RXYLT1: variants seen among roughly 807,000 people sequenced by gnomAD.
The protein encoded by RXYLT1 is ribitol xylosyltransferase 1, also known as ribitol-5-phosphate xylosyltransferase 1.
RXYLT1 carries 41 observed loss-of-function variants against 43.5 expected under a neutral mutation model. The observed-to-expected ratio is 0.94, with a 90% CI of 0.73 to 1.22. RXYLT1 has a LOEUF of 1.22. Ranked by LOEUF, RXYLT1 falls within the 50% of genes most tolerant of loss-of-function variation. The pLI is 0.00. For synonymous variants in RXYLT1, 166 were observed against 194.4 expected, an observed-to-expected ratio of 0.85 and a Z score of 1.21; for missense variants, 514 against 532.0, an observed-to-expected ratio of 0.97 and a Z score of 0.33.
At chr12:63,789,237 T>C (rs1200041039) in intron 3 of RXYLT1, among the ~76,000 whole-genome samples, 1 of 152,154 alleles carries the variant, frequency 6.6e-6, no homozygotes, top group African/African-American at 2.4e-5. Flanking sequence ...TAGTGTTGTG[T>C]CTCAGGGAAT....
At chr12:63,806,318 T>C in intron 5 of RXYLT1, 1 of 152,196 alleles carries the variant, frequency 6.6e-6, no homozygotes, top group East Asian at 1.9e-4. Context: ...TGTCAGAAGA[T>C]GATAAATGCC....
intron 3 of RXYLT1, among the ~76,000 whole-genome samples, chr12:63,798,198 T>C (rs577425088): frequency 1.3e-5 from 2 of 152,256 alleles, no homozygotes; most frequent in African/African-American, 4.8e-5. Context: ...CCCATCCTTA[T>C]CTCTTTCCAA....
intron 3 of RXYLT1, among the ~76,000 whole-genome samples, chr12:63,799,695 C>T (rs2136230277): frequency 6.6e-6 from 1 of 152,154 alleles, no homozygotes; most frequent in East Asian, 1.9e-4. Flanking sequence ...TGTCAGCTAG[C>T]TTTATGCAAG....
chr12:63,789,722 A>AT (rs1220754084), intron 3 of RXYLT1, among the ~76,000 whole-genome samples: 2 of 152,220 alleles, frequency 1.3e-5, no homozygotes, highest in South Asian at 2.1e-4. Flanking sequence ...ATTGTATGAG[A>AT]TTTTTTTTAA....
At chr12:63,803,617 G>A (rs1305896052) in intron 4 of RXYLT1, 5 of 152,102 alleles carry the variant, frequency 3.3e-5, no homozygotes, top group African/African-American at 1.2e-4. Context: ...CAGTAGGTTT[G>A]GGGTAAGGCC....
At chr12:63,800,553 C>T (rs1262785854) in intron 3 of RXYLT1, among the ~76,000 whole-genome samples, 1 of 151,946 alleles carries the variant, frequency 6.6e-6, no homozygotes, top group Admixed American at 6.6e-5. Flanking sequence ...TTGTTCTAGG[C>T]AGCACTTAAT....
At position 63,781,180 on chromosome 12, in the gene RXYLT1, T is replaced by C. The variant is rs1897675249; in HGVS notation, c.325+6T>C. ...CTGGGGCAAAGCTGCCATTGGTAAG[T>C]TAATACGTAGAAGGAAGACATGTAA... is the stretch of plus-strand genomic sequence containing the variant. On this transcript the variant is annotated splice_donor_region_variant and intron_variant, in intron 2 of 5. Coordinates refer to ENST00000261234, the MANE Select transcript of RXYLT1 (RefSeq NM_014254.3). 1 of 1,517,900 alleles carries C rather than the reference T, an allele frequency of 6.6e-7. No homozygotes were observed. Among genetic ancestry groups the C allele is most frequent in the African/African-American group, 1.4e-5 (1 of 70,788 alleles). 94.0% of individuals were successfully genotyped at this position (1,517,900 alleles called of 1,614,324 possible). A position where few individuals can be genotyped will look rare whatever the true frequency, so the allele number is the denominator to read the frequency against.
chr12:63,786,510 C>CT (rs1041387328), intron 3 of RXYLT1, among the ~76,000 whole-genome samples: 1 of 148,624 alleles, frequency 6.7e-6, no homozygotes. Flanking sequence ...AGTATTATGC[C>CT]TAAAAAAAAA....
chr12:63,786,511 T>TAA (rs34686344), intron 3 of RXYLT1, among the ~76,000 whole-genome samples: 1 of 145,028 alleles, frequency 6.9e-6, no homozygotes, highest in African/African-American at 2.5e-5. Flanking sequence ...GTATTATGCC[T>TAA]AAAAAAAAAA....
chr12:63,785,885 T>A (rs1219343846), intron 3 of RXYLT1, among the ~76,000 whole-genome samples: 12 of 152,176 alleles, frequency 7.9e-5, no homozygotes, highest in African/African-American at 2.7e-4. Context: ...TCAATTTTGT[T>A]CTAATTTTTA....
chr12:63,807,160 T>G (rs1898314456), intron 5 of RXYLT1: 1 of 152,286 alleles, frequency 6.6e-6, no homozygotes, highest in Non-Finnish European at 1.5e-5. Context: ...ACTTAGAATC[T>G]ATTGTTCCTA....
intron 2 of RXYLT1, among the ~76,000 whole-genome samples, chr12:63,783,918 C>G (rs554138225): frequency 6.6e-6 from 1 of 151,880 alleles, no homozygotes; most frequent in Non-Finnish European, 1.5e-5. Context: ...AGCGGCTACC[C>G]GTATTCCTTC....
At chr12:63,801,084 C>G (rs982395345) in intron 3 of RXYLT1, among the ~76,000 whole-genome samples, 4 of 151,958 alleles carry the variant, frequency 2.6e-5, no homozygotes, top group African/African-American at 9.7e-5. Flanking sequence ...TTTTCTAGTC[C>G]CTTTCATCTT....
intron 3 of RXYLT1, among the ~76,000 whole-genome samples, chr12:63,800,080 C>A (rs1169330891): frequency 6.6e-6 from 1 of 152,160 alleles, no homozygotes; most frequent in East Asian, 1.9e-4. Flanking sequence ...TACATGCACA[C>A]ATAGTAAAAT....
intron 3 of RXYLT1, among the ~76,000 whole-genome samples, chr12:63,798,224 G>C (rs970341367): frequency 6.6e-6 from 1 of 150,940 alleles, no homozygotes; most frequent in African/African-American, 2.5e-5. Flanking sequence ...CAAACATTGA[G>C]TGATCTTTCC....
intron 1 of RXYLT1, chr12:63,780,544 C>T: frequency 9.8e-7 from 1 of 1,016,956 alleles, no homozygotes; most frequent in Non-Finnish European, 1.2e-6. Flanking sequence ...CCTCCAAATT[C>T]TGGTCCCCTG....
Position 63,781,733 on chromosome 12 carries a change from T to C in RXYLT1, c.325+559T>C, listed in dbSNP as rs559813831. On this transcript the variant is annotated intron_variant, in intron 2 of 5. Transcript: ENST00000261234. The stretch of plus-strand genomic sequence containing the variant: ...CATGAGAGTGTAGTGTTCTAAGATA[T>C]ATATTATGCTCAATTAGAGAATGGG... Among the ~76,000 whole-genome samples, 74 of 152,120 alleles carry C rather than the reference T, an allele frequency of 4.9e-4. 1 individual carries two copies. The highest frequency in any genetic ancestry group is 3.4e-3 in the Middle Eastern group (1 of 294).
At chr12:63,780,352 A>G (rs1467653885) in intron 1 of RXYLT1, 11 of 1,286,428 alleles carry the variant, frequency 8.6e-6, no homozygotes, top group Non-Finnish European at 1.1e-5. Flanking sequence ...TCCCGATCCC[A>G]GGGGGTGACA....
chr12:63,787,102 A>G (rs563551346), intron 3 of RXYLT1, among the ~76,000 whole-genome samples: 1 of 152,024 alleles, frequency 6.6e-6, no homozygotes, highest in East Asian at 1.9e-4. Flanking sequence ...CGACAGAATG[A>G]GTCAAAGAAA....
Sources: gnomAD v4.1 joint callset for allele counts (sites outside exome capture counted in the v4.1 genomes callset) on GRCh38, gnomAD v4.1.1 for gene constraint, MANE v1.5 for transcripts, NCBI Gene and HGNC (gene_info 2026-07-23, HGNC 2026-07-21) for gene names.